RGS7: variants seen among roughly 807,000 people sequenced by gnomAD.
RGS7 encodes the protein regulator of G protein signaling 7.
In RGS7, 27 loss-of-function variants were observed where a neutral mutation model predicts 81.1. The observed-to-expected ratio is 0.33, with a 90% CI of 0.25 to 0.46. The LOEUF (loss-of-function observed/expected upper bound fraction) is 0.46, where lower values mean the gene tolerates loss of function less well. Among genes scored for constraint, RGS7 ranks in the 20% least tolerant of loss-of-function variants. The probability of loss-of-function intolerance (pLI) is 1.00; values close to 1 mark genes in which losing one functional copy is unlikely to be tolerated. For missense variants in RGS7, 396 were observed against 607.4 expected (o/e 0.65, Z 3.66); for synonymous variants, 208 against 207.7 (o/e 1.00, Z -0.01).
chr1:241,079,863 G>C (rs939527532), intron 3 of RGS7, among the ~76,000 whole-genome samples: 1 of 148,090 alleles, frequency 6.8e-6, no homozygotes, highest in Admixed American at 6.7e-5. Flanking sequence ...TATTTTAGCA[G>C]CCTATAATCT....
intron 2 of RGS7, among the ~76,000 whole-genome samples, chr1:241,260,120 T>C (rs767556725): frequency 2.6e-5 from 4 of 152,208 alleles, no homozygotes; most frequent in Non-Finnish European, 5.9e-5. Context: ...AAGTCTTGCC[T>C]TCACCATGGA....
intron 2 of RGS7, among the ~76,000 whole-genome samples, chr1:241,308,293 G>A (rs1056097496): frequency 5.8e-4 from 89 of 152,310 alleles, no homozygotes; most frequent in African/African-American, 2.0e-3. Context: ...AAGTAGTCAT[G>A]ATTACGTTTT....
At chr1:240,980,593 A>G (rs1159676073) in intron 4 of RGS7, among the ~76,000 whole-genome samples, 1 of 152,196 alleles carries the variant, frequency 6.6e-6, no homozygotes, top group Non-Finnish European at 1.5e-5. Context: ...AAAAGGCATG[A>G]TTGGTTTCAT....
chr1:241,280,683 T>C (rs1482759738), intron 2 of RGS7, among the ~76,000 whole-genome samples: 2 of 152,194 alleles, frequency 1.3e-5, no homozygotes, highest in Non-Finnish European at 2.9e-5. Flanking sequence ...GTTTGTTTGA[T>C]AGAGACAGGA....
At chr1:241,253,731 TC>T (rs1395546387) in intron 2 of RGS7, among the ~76,000 whole-genome samples, 2 of 152,168 alleles carry the variant, frequency 1.3e-5, no homozygotes, top group African/African-American at 4.8e-5. Flanking sequence ...GTTGAAAAGT[TC>T]CCCCAGGGTT....
chr1:241,277,415 C>G (rs1225009635), intron 2 of RGS7, among the ~76,000 whole-genome samples: 1 of 152,042 alleles, frequency 6.6e-6, no homozygotes, highest in East Asian at 1.9e-4. Flanking sequence ...GTCAGGAGAT[C>G]GAGACCATCC....
At chr1:241,323,679 C>A (rs2081331745) in intron 2 of RGS7, among the ~76,000 whole-genome samples, 1 of 152,182 alleles carries the variant, frequency 6.6e-6, no homozygotes, top group South Asian at 2.1e-4. Flanking sequence ...TGGAGAGAAG[C>A]AGAGCTGCCA....
At chr1:241,350,767 A>T (rs2083196129) in intron 2 of RGS7, among the ~76,000 whole-genome samples, 1 of 137,014 alleles carries the variant, frequency 7.3e-6, no homozygotes, top group East Asian at 2.2e-4. Flanking sequence ...AAAAAAAAAA[A>T]GCCAAAGATT....
intron 3 of RGS7, among the ~76,000 whole-genome samples, chr1:241,026,482 G>A (rs903941057): frequency 3.9e-5 from 6 of 151,914 alleles, no homozygotes; most frequent in African/African-American, 7.3e-5. Context: ...CCAGCTACTC[G>A]GGAGGCTGAG....
intron 2 of RGS7, among the ~76,000 whole-genome samples, chr1:241,306,247 A>G (rs540930024): frequency 2.0e-5 from 3 of 150,936 alleles, no homozygotes; most frequent in Non-Finnish European, 4.4e-5. Flanking sequence ...CCTCACACAC[A>G]TAAGCACACA....
chr1:241,235,476 A>C (rs1318142143), intron 2 of RGS7, among the ~76,000 whole-genome samples: 1 of 152,208 alleles, frequency 6.6e-6, no homozygotes, highest in Non-Finnish European at 1.5e-5. Flanking sequence ...TCAGCTACAG[A>C]GCTCATACTG....
intron 2 of RGS7, among the ~76,000 whole-genome samples, chr1:241,225,295 G>A (rs2148022726): frequency 6.6e-6 from 1 of 152,264 alleles, no homozygotes; most frequent in South Asian, 2.1e-4. Flanking sequence ...GAAAGGAAAA[G>A]TAAAAGAATC....
At chr1:241,243,124 C>A (rs72760521) in intron 2 of RGS7, among the ~76,000 whole-genome samples, 16,125 of 152,266 alleles carry the variant, frequency 0.11, 1,101 homozygotes, top group East Asian at 0.3. Context: ...AATTAACCAG[C>A]AGCCTGCATT....
At chr1:241,061,938 T>C (rs756042694) in intron 3 of RGS7, among the ~76,000 whole-genome samples, 4 of 152,226 alleles carry the variant, frequency 2.6e-5, no homozygotes, top group Non-Finnish European at 5.9e-5. Flanking sequence ...CTTGGTCGTA[T>C]CTCAACACTC....
At chr1:241,261,908 T>C (rs1016719594) in intron 2 of RGS7, among the ~76,000 whole-genome samples, 5 of 152,170 alleles carry the variant, frequency 3.3e-5, no homozygotes, top group African/African-American at 1.2e-4. Flanking sequence ...AATTTGCTGA[T>C]TGAGATTAAA....
intron 2 of RGS7, among the ~76,000 whole-genome samples, chr1:241,177,792 G>A (rs2071269742): frequency 6.6e-6 from 1 of 152,192 alleles, no homozygotes; most frequent in South Asian, 2.1e-4. Context: ...GAGAAAGAGA[G>A]AGTGATTAAA....
chr1:241,218,067 A>ATG (rs142057759), intron 2 of RGS7, among the ~76,000 whole-genome samples: 8 of 152,062 alleles, frequency 5.3e-5, no homozygotes, highest in East Asian at 3.9e-4. Flanking sequence ...GCATGTGGAT[A>ATG]TGTGTGTGTG....
chr1:240,801,417 A>C, intron 17 of RGS7, 38 bp downstream of exon 17: 1 of 1,376,144 alleles, frequency 7.3e-7, no homozygotes, highest in East Asian at 2.3e-5. Flanking sequence ...ATTTCATTGG[A>C]CTTAATGATT....
At chr1:241,028,664 C>G in intron 3 of RGS7, among the ~76,000 whole-genome samples, 1 of 152,028 alleles carries the variant, frequency 6.6e-6, no homozygotes, top group East Asian at 1.9e-4. Context: ...TGGAGATCAG[C>G]GAGGGCCCAG....
Sources: allele counts gnomAD v4.1 joint callset (sites outside exome capture counted in the v4.1 genomes callset), GRCh38; gene constraint gnomAD v4.1.1; transcripts MANE v1.5; gene names NCBI Gene and HGNC (gene_info 2026-07-23, HGNC 2026-07-21).